Variants in GANC observed in about 807,000 individuals in gnomAD.
The protein encoded by GANC is neutral alpha-glucosidase C.
GANC carries 117 observed loss-of-function variants against 124.2 expected under a neutral mutation model. That is an observed-to-expected ratio of 0.94 (90% CI 0.81 to 1.10). GANC has a LOEUF of 1.10. Ranked by LOEUF, GANC falls within the 50% of genes least tolerant of loss-of-function variation. GANC has a pLI of 0.00. For missense variants in GANC, 1,140 were observed against 1,095.0 expected, an observed-to-expected ratio of 1.04 and a Z score of -0.58; for synonymous variants, 377 against 376.8, an observed-to-expected ratio of 1.00 and a Z score of -0.01.
In GANC at chr15:42,292,807, C is replaced by A. The variant is rs1264640981; in HGVS notation, c.402C>A (p.Ile134=). The change falls in exon 5 of 24, where the codon ATC becomes ATA. Residue 134 remains isoleucine, a synonymous_variant. Transcript: ENST00000318010. The stretch of plus-strand genomic sequence containing the variant: ...GAAAAGGAGACCTGAAGTGCCATAT[C>A]ACAGCAAACCCATTCAAGGTAGACT... The part of the protein sequence containing the change: ...ADGKGDLKCH[I]TANPFKVDLV... 1 of 1,614,118 alleles carries A rather than the reference C, an allele frequency of 6.2e-7. No homozygotes were observed. Among genetic ancestry groups the A allele is most frequent in the Admixed American group, 1.7e-5 (1 of 60,020 alleles).
intron 20 of GANC, 32 bp downstream of exon 20, chr15:42,345,864 A>G (rs762578566): frequency 3.4e-6 from 5 of 1,456,008 alleles, no homozygotes; most frequent in Middle Eastern, 1.7e-4. Context: ...ATTTTTACCT[A>G]TCATGCTCTA....
chr15:42,323,328 C>T (rs995485080), intron 11 of GANC, among the ~76,000 whole-genome samples: 3 of 152,074 alleles, frequency 2.0e-5, no homozygotes, highest in Non-Finnish European at 4.4e-5. Flanking sequence ...AGATGAGCTC[C>T]TTGTGGTCTT....
intron 6 of GANC, among the ~76,000 whole-genome samples, chr15:42,300,636 G>C (rs922507213): frequency 6.6e-6 from 1 of 152,122 alleles, no homozygotes; most frequent in South Asian, 2.1e-4. Flanking sequence ...CTACTATAAA[G>C]ACACATGCAC....
chr15:42,340,707 TC>T lies in GANC; in HGVS notation c.2108del (p.Pro703LeufsTer4). 1 of 1,607,492 alleles carries T rather than the reference TC, an allele frequency of 6.2e-7. No individual in the cohort carries two copies. The highest frequency in any genetic ancestry group is 8.5e-7 in the Non-Finnish European group (1 of 1,178,660). The stretch of plus-strand genomic sequence containing the variant: ...TTCCCCAGGCCTCTGTGGGTAGAGT[TC>T]CCTGATGAACTAAAGACTTTTGATA... The part of the protein sequence containing the change: ...QPVMRPLWVE[F>X]PDELKTFDME... On this transcript the variant is annotated frameshift_variant, in exon 18 of 24. Coordinates refer to ENST00000318010, the MANE Select transcript of GANC (RefSeq NM_198141.3). LOFTEE classifies it high-confidence loss of function.
chr15:42,327,554 CT>C, intron 13 of GANC, 112 bp downstream of exon 13: 2 of 913,906 alleles, frequency 2.2e-6, no homozygotes, highest in Non-Finnish European at 3.4e-6. Flanking sequence ...ATATATAATG[CT>C]TTTATTAAAA....
chr15:42,274,961 G>A (rs571278579), intron 1 of GANC, among the ~76,000 whole-genome samples: 2 of 152,242 alleles, frequency 1.3e-5, no homozygotes, highest in East Asian at 1.9e-4. Context: ...CTCTTAACAC[G>A]TGAATTTCAG....
intron 14 of GANC, among the ~76,000 whole-genome samples, chr15:42,329,792 T>G (rs1169881307): frequency 6.6e-6 from 1 of 152,206 alleles, no homozygotes; most frequent in Non-Finnish European, 1.5e-5. Flanking sequence ...TGAATGAAGG[T>G]AATTAAAACA....
intron 4 of GANC, among the ~76,000 whole-genome samples, chr15:42,289,753 A>T (rs1314952290): frequency 6.6e-6 from 1 of 152,194 alleles, no homozygotes; most frequent in East Asian, 1.9e-4. Context: ...GTGTTATCCC[A>T]AAATTCAGGT....
chr15:42,352,030 A>ATC lies in GANC; in HGVS notation c.2637_2638insCT (p.Gly880LeufsTer18), dbSNP rs771945749. On this transcript the variant is annotated frameshift_variant and splice_region_variant, in exon 24 of 24. Transcript: ENST00000318010. LOFTEE classifies it high-confidence loss of function. ...CCTCTTTTATTGTCTTGCTATTTAG[A>ATC]TGGTAAAGATCAGCCTGTGGCTTTT... is the stretch of plus-strand genomic sequence containing the variant. 13 of 1,614,054 alleles carry ATC rather than the reference A, an allele frequency of 8.1e-6. 1 individual carries two copies. In the South Asian group the frequency reaches 1.4e-4, roughly 18 times the overall value.
Position 42,280,762 on chromosome 15 carries a change from C to T in GANC, c.201+2172C>T, listed in dbSNP as rs192863386. The stretch of plus-strand genomic sequence containing the variant: ...ACGTGCTGAGGTAAAGTAAATGAGG[C>T]AAAATCACCCGGAATATCAGTGGTG... On this transcript the variant is annotated intron_variant, in intron 3 of 23. Coordinates refer to ENST00000318010, the MANE Select transcript of GANC (RefSeq NM_198141.3). 2.0e-5 allele frequency among the ~76,000 whole-genome samples: 3 copies of T among 152,280 alleles called. No individual in the cohort carries two copies. The East Asian group carries it at 5.8e-4, about 29-fold the overall frequency.
chr15:42,352,464 C>T lies in GANC; in HGVS notation c.*325C>T, dbSNP rs1400796468. 9.5e-7 allele frequency: 1 copy of T among 1,057,364 alleles called. No individual in the cohort carries two copies. Among genetic ancestry groups the T allele is most frequent in the Admixed American group, 4.8e-5 (1 of 20,788 alleles). The allele number at this position is 1,057,364 out of a possible 1,614,324, so 65.5% of individuals were successfully genotyped here. On this transcript the variant is annotated 3_prime_UTR_variant, in exon 24 of 24. Coordinates refer to ENST00000318010, the MANE Select transcript of GANC (RefSeq NM_198141.3). ...TGCGTGGGTCTGTTTTAACGTGGGC[C>T]AAGCCTACCTGGGCAGCCCATTTGC...
intron 5 of GANC, among the ~76,000 whole-genome samples, chr15:42,293,417 T>C (rs1595766351): frequency 1.3e-5 from 2 of 152,178 alleles, no homozygotes; most frequent in South Asian, 4.1e-4. Context: ...AATCTTTTAG[T>C]CTATAGTTCT....
intron 22 of GANC, among the ~76,000 whole-genome samples, chr15:42,350,551 C>CTTT (rs1265729419): frequency 8.9e-5 from 11 of 123,330 alleles, no homozygotes; most frequent in African/African-American, 2.8e-4. Flanking sequence ...ACAGAGTTGT[C>CTTT]TTTTTTTTTT....
intron 2 of GANC, 75 bp from the exon 3 acceptor site, chr15:42,278,407 C>A: frequency 1.0e-6 from 1 of 970,886 alleles, no homozygotes. Context: ...TAATGACTTC[C>A]ACATGATAAT....
intron 10 of GANC, among the ~76,000 whole-genome samples, chr15:42,315,908 C>G (rs1349728961): frequency 1.3e-5 from 2 of 152,004 alleles, no homozygotes; most frequent in Non-Finnish European, 2.9e-5. Flanking sequence ...GTATCTCCTG[C>G]AAAACTCAGA....
chr15:42,349,761 G>A (rs1189146589), intron 22 of GANC, among the ~76,000 whole-genome samples: 1 of 151,624 alleles, frequency 6.6e-6, no homozygotes, highest in African/African-American at 2.4e-5. Flanking sequence ...GATTTCTCCT[G>A]CCTCAGCCTC....
intron 11 of GANC, among the ~76,000 whole-genome samples, chr15:42,323,618 T>C (rs1285102925): frequency 6.6e-6 from 1 of 152,180 alleles, no homozygotes; most frequent in Non-Finnish European, 1.5e-5. Context: ...TTCTCCTGCC[T>C]CAGCCTCCTG....
chr15:42,329,271 A>T, intron 13 of GANC, 35 bp from the exon 14 acceptor site: 1 of 1,595,266 alleles, frequency 6.3e-7, no homozygotes, highest in Non-Finnish European at 8.5e-7. Flanking sequence ...GACATCATCA[A>T]TGTAGGAGTG....
chr15:42,323,735 T>C lies in GANC; in HGVS notation c.1293+1715T>C, dbSNP rs568143904. Among the ~76,000 whole-genome samples the C allele has an allele frequency of 2.0e-5, 3 of 152,200 alleles. No individual in the cohort carries two copies. In the East Asian group the frequency reaches 5.8e-4, roughly 29 times the overall value. ...CCAGGCTGGTCTTGAACTCCTGACT[T>C]CAGGTGATCCGCCCACCTGAGGCTC... On this transcript the variant is annotated intron_variant, in intron 11 of 23. Coordinates refer to ENST00000318010, the MANE Select transcript of GANC (RefSeq NM_198141.3).
Sources: gnomAD v4.1 joint callset for allele counts (sites outside exome capture counted in the v4.1 genomes callset) on GRCh38, gnomAD v4.1.1 for gene constraint, MANE v1.5 for transcripts, NCBI Gene and HGNC (gene_info 2026-07-23, HGNC 2026-07-21) for gene names.